The following MAPK9 variants were observed in gnomAD, a reference collection of about 807,000 sequenced individuals.
The protein encoded by MAPK9 is Jun kinase.
A neutral mutation model predicts 57.1 loss-of-function variants in MAPK9; 30 were observed. The ratio of observed to expected loss-of-function variants is 0.53; its 90% confidence interval spans 0.39 to 0.71. The LOEUF (loss-of-function observed/expected upper bound fraction) is 0.71. Ranked by LOEUF, MAPK9 falls within the 30% of genes least tolerant of loss-of-function variation. The pLI, the probability that MAPK9 is intolerant of heterozygous loss-of-function variation, is 0.00. For missense variants in MAPK9, 362 were observed against 521.0 expected, an observed-to-expected ratio of 0.69 and a Z score of 2.97; for synonymous variants, 155 against 177.0, an observed-to-expected ratio of 0.88 and a Z score of 0.99.
chr5:180,247,831 T>C lies in MAPK9; in HGVS notation c.617-321A>G. 1.9e-6 allele frequency: 3 copies of C among 1,613,386 alleles called. No homozygotes were observed. Among genetic ancestry groups the C allele is most frequent in the African/African-American group, 2.7e-5 (2 of 75,024 alleles). On this transcript the variant is annotated intron_variant, in intron 6 of 11. Coordinates refer to ENST00000452135, the MANE Select transcript of MAPK9 (RefSeq NM_002752.5). The surrounding 1 kb of genome is among the most constrained non-coding windows in gnomAD (Gnocchi z 4.5). ...GCCCACCCCAGCCTCCATGGCCAAGTACCGGGTCCCCTGTGAAGGATACAG... is the reference window on the plus strand; with the variant it reads ...GCCCACCCCAGCCTCCATGGCCAAGCACCGGGTCCCCTGTGAAGGATACAG...
In MAPK9 at chr5:180,236,315, T is replaced by C; in HGVS notation, c.*69A>G. ...AGTTTTTCTATTTGGTTCCATCAAC[T>C]CCCAAGCATTTCAGGCCCACGGAGG... is the stretch of plus-strand genomic sequence containing the variant. On this transcript the variant is annotated 3_prime_UTR_variant, in exon 12 of 12. Coordinates refer to ENST00000452135, the MANE Select transcript of MAPK9 (RefSeq NM_002752.5). 1 of 1,508,144 alleles carries C rather than the reference T, an allele frequency of 6.6e-7. No individual in the cohort carries two copies. The highest frequency in any genetic ancestry group is 9.0e-7 in the Non-Finnish European group (1 of 1,116,926). The allele number at this position is 1,508,144 out of a possible 1,614,324, so 93.4% of individuals were successfully genotyped here.
At chr5:180,273,171 T>C (rs917260326) in intron 2 of MAPK9, among the ~76,000 whole-genome samples, 1 of 152,204 alleles carries the variant, frequency 6.6e-6, no homozygotes, top group Non-Finnish European at 1.5e-5. Flanking sequence ...TTATAGGTTA[T>C]TTGGGTATCC....
chr5:180,277,957 T>C (rs1761971944), intron 2 of MAPK9, among the ~76,000 whole-genome samples: 1 of 152,352 alleles, frequency 6.6e-6, no homozygotes, highest in South Asian at 2.1e-4. Flanking sequence ...GATAGAAGGA[T>C]ACCATAAAAC....
intron 4 of MAPK9, among the ~76,000 whole-genome samples, chr5:180,262,378 T>A (rs1448209092): frequency 8.9e-6 from 1 of 112,910 alleles, no homozygotes; most frequent in Non-Finnish European, 2.0e-5. Flanking sequence ...CAAGCAAAAC[T>A]CCCCAAAGAG....
In MAPK9 at chr5:180,269,370, G is replaced by C. The variant is rs369319478; in HGVS notation, c.162C>G (p.Val54=). The change falls in exon 3 of 12, where the codon GTC becomes GTG. Residue 54 remains valine (V), a synonymous_variant. Transcript: ENST00000452135. ...FDTVLGINVA[V]KKLSRPFQNQ... ...TCTGAAAAGGACGGCTTAGTTTCTT[G>C]ACTGCAACATTTATCCCAAGAACTG... is the stretch of plus-strand genomic sequence containing the variant. 6 of 1,614,044 alleles carry C rather than the reference G, an allele frequency of 3.7e-6. No individual in the cohort carries two copies. The South Asian group carries it at 6.6e-5, about 18-fold the overall frequency.
intron 3 of MAPK9, among the ~76,000 whole-genome samples, chr5:180,268,723 A>T (rs567267804): frequency 6.6e-6 from 1 of 151,976 alleles, no homozygotes; most frequent in African/African-American, 2.4e-5. Context: ...GCTACTCAGG[A>T]GGCTGAGGCA....
intron 3 of MAPK9, among the ~76,000 whole-genome samples, chr5:180,267,413 T>C (rs897372158): frequency 1.3e-5 from 2 of 151,226 alleles, no homozygotes; most frequent in Admixed American, 6.6e-5. Flanking sequence ...ATACAAAAAA[T>C]TAGCTGGGTG....
intron 10 of MAPK9, among the ~76,000 whole-genome samples, chr5:180,238,608 C>CTTTTTTTTT (rs746336177): frequency 1.6e-4 from 14 of 85,142 alleles, no homozygotes; most frequent in Non-Finnish European, 3.0e-4. Flanking sequence ...TCTTCTTCTT[C>CTTTTTTTTT]TTTTTTTTTT....
chr5:180,243,026 G>C (rs1757785173), intron 7 of MAPK9: 1 of 325,862 alleles, frequency 3.1e-6, no homozygotes, highest in African/African-American at 2.1e-5. Context: ...TCAAAATAAA[G>C]TTTATCTTAT....
At chr5:180,278,705 T>C (rs997707650) in intron 2 of MAPK9, among the ~76,000 whole-genome samples, 1 of 151,420 alleles carries the variant, frequency 6.6e-6, no homozygotes, top group Non-Finnish European at 1.5e-5. Context: ...CTCAAAAAAA[T>C]AAATAAATAA....
At chr5:180,244,909 T>C (rs954999358) in intron 7 of MAPK9, among the ~76,000 whole-genome samples, 2 of 152,086 alleles carry the variant, frequency 1.3e-5, no homozygotes, top group Admixed American at 1.3e-4. Flanking sequence ...GCTGTGCCCA[T>C]CATGGCTGCC....
chr5:180,272,913 G>A (rs868580550), intron 2 of MAPK9, among the ~76,000 whole-genome samples: 1 of 152,090 alleles, frequency 6.6e-6, no homozygotes. Flanking sequence ...CTTTGCCAGA[G>A]CGTTTCTACA....
intron 2 of MAPK9, among the ~76,000 whole-genome samples, chr5:180,277,654 T>A (rs939090406): frequency 9.2e-5 from 14 of 152,142 alleles, no homozygotes; most frequent in Non-Finnish European, 2.1e-4. Flanking sequence ...TCAAGTACAA[T>A]AGTGATGAAA....
intron 5 of MAPK9, among the ~76,000 whole-genome samples, chr5:180,260,147 G>A (rs1298970032): frequency 6.6e-6 from 1 of 152,144 alleles, no homozygotes; most frequent in Non-Finnish European, 1.5e-5. Flanking sequence ...CAATGTGGTA[G>A]TGTCTTCAGT....
intron 5 of MAPK9, among the ~76,000 whole-genome samples, chr5:180,259,110 G>C (rs956497292): frequency 1.3e-5 from 2 of 152,018 alleles, no homozygotes; most frequent in African/African-American, 4.8e-5. Context: ...TCATACCAGA[G>C]AGAAACCCTT....
chr5:180,243,211 C>G (rs1245400169), intron 7 of MAPK9, among the ~76,000 whole-genome samples: 1 of 152,194 alleles, frequency 6.6e-6, no homozygotes, highest in Non-Finnish European at 1.5e-5. Flanking sequence ...CAGTTTACAG[C>G]TGGGAACCAA....
At chr5:180,289,250 T>A (rs1218217780) in intron 1 of MAPK9, among the ~76,000 whole-genome samples, 1 of 152,212 alleles carries the variant, frequency 6.6e-6, no homozygotes, top group East Asian at 1.9e-4. Context: ...CATTCAAGTA[T>A]CCCCTCTGTT....
intron 7 of MAPK9, chr5:180,243,025 A>G: frequency 3.0e-6 from 1 of 329,816 alleles, no homozygotes; most frequent in Non-Finnish European, 5.5e-6. Flanking sequence ...TTCAAAATAA[A>G]GTTTATCTTA....
At chr5:180,261,061 T>C (rs1044258813) in intron 5 of MAPK9, among the ~76,000 whole-genome samples, 3 of 152,214 alleles carry the variant, frequency 2.0e-5, no homozygotes, top group African/African-American at 4.8e-5. Context: ...CCCTAGCTTA[T>C]TAAATGTTTT....
Sources: allele counts gnomAD v4.1 joint callset (sites outside exome capture counted in the v4.1 genomes callset), GRCh38; gene constraint gnomAD v4.1.1; non-coding constraint Gnocchi (gnomAD v3.1); transcripts MANE v1.5; gene names NCBI Gene and HGNC (gene_info 2026-07-23, HGNC 2026-07-21).